Variants in NLGN3 observed in about 807,000 individuals in gnomAD.
NLGN3 encodes neuroligin-3.
NLGN3 carries 11 observed loss-of-function variants against 42.9 expected under a neutral mutation model. The ratio of observed to expected loss-of-function variants is 0.26; its 90% CI spans 0.16 to 0.42. The LOEUF (loss-of-function observed/expected upper bound fraction) is 0.42, where lower values mean the gene tolerates loss of function less well. NLGN3 is among the 10% of genes least tolerant of loss of function. NLGN3 has a pLI of 1.00. For missense variants in NLGN3, 374 were observed against 733.8 expected, an observed-to-expected ratio of 0.51 and a Z score of 5.67; for synonymous variants, 279 against 312.7, an observed-to-expected ratio of 0.89 and a Z score of 1.14.
At chrX:71,165,105 G>T (rs2092442570) in intron 6 of NLGN3, among the ~76,000 whole-genome samples, 1 of 112,141 alleles carries the variant, frequency 8.9e-6, no homozygotes, top group South Asian at 3.7e-4. Context: ...AAATCTGTGA[G>T]CGAGGATGCT....
chrX:71,172,071 G>T (rs2092472124), downstream of NLGN3, among the ~76,000 whole-genome samples: 1 of 111,478 alleles, frequency 9.0e-6, no homozygotes, highest in Non-Finnish European at 1.9e-5. Flanking sequence ...CCAAAACCTA[G>T]AACTAATACA....
rs201424510 is a variant in NLGN3 at position 71,155,330 on chromosome X, G to A, written c.694G>A (p.Val232Ile). 2.1e-5 allele frequency: 25 copies of A among 1,211,100 alleles called. No homozygotes were observed. Among genetic ancestry groups the A allele is most frequent in the Admixed American group, 1.3e-4 (6 of 45,978 alleles). The change falls in exon 5 of 8, where the codon GTC (valine) becomes ATC (isoleucine). Residue 232 changes from valine (V) to isoleucine (I), a missense_variant. This residue lies in a region of NLGN3 where 28 missense variants were observed against 48.2 expected (regional missense o/e 0.58). Coordinates refer to ENST00000358741, the MANE Select transcript of NLGN3 (RefSeq NM_181303.2). ...CCTCGCCAGTTATGGCAATGTCATC[G>A]TCATCACCCTCAACTATCGGGTTGG... ...SILASYGNVIVITLNYRVGVL... is the reference protein window; with the variant it reads ...SILASYGNVIIITLNYRVGVL...
At chrX:71,155,150 G>A in intron 4 of NLGN3, 64 bp from the exon 5 acceptor site, 1 of 1,172,928 alleles carries the variant, frequency 8.5e-7, no homozygotes, top group Admixed American at 2.2e-5. Flanking sequence ...CACCCCCTGG[G>A]CTGGCAGGGG....
chrX:71,154,922 G>A (rs1226290945), intron 4 of NLGN3, among the ~76,000 whole-genome samples: 6 of 112,277 alleles, frequency 5.3e-5, no homozygotes, highest in African/African-American at 9.7e-5. Context: ...GCTGCCCCCC[G>A]CCCCCAGGGC....
In NLGN3 at chrX:71,168,857, GAAAGAAAGAAAGAGAA is replaced by G. The variant is rs1569485695; in HGVS notation, c.1704-395_1704-380del. The stretch of plus-strand genomic sequence containing the variant: ...AGAAAGAAAGAAAGAAAGAAAGAAA[GAAAGAAAGAAAGAGAA>G]AGAAAAGAAAGAGAAAGAAAGAAAG... On this transcript the variant is annotated intron_variant, in intron 7 of 7. Coordinates refer to ENST00000358741, the MANE Select transcript of NLGN3 (RefSeq NM_181303.2). 9.1e-3 allele frequency among the ~76,000 whole-genome samples: 792 copies of G among 86,752 alleles called. 16 individuals carry two copies. Among genetic ancestry groups the G allele is most frequent in the African/African-American group, 0.044 (753 of 16,977 alleles). The allele number at this position is 86,752 out of a possible 115,157, so 75.3% of individuals were successfully genotyped here. A position where few individuals can be genotyped will look rare whatever the true frequency, so the allele number is the denominator to read the frequency against.
chrX:71,150,218 T>C (rs1285259797), intron 3 of NLGN3, among the ~76,000 whole-genome samples: 1 of 111,654 alleles, frequency 9.0e-6, no homozygotes, highest in African/African-American at 3.3e-5. Context: ...AGCATCATGG[T>C]GCTGCAGAAA....
chrX:71,148,789 T>C, intron 2 of NLGN3, 57 bp from the exon 3 acceptor site: 7 of 1,058,432 alleles, frequency 6.6e-6, no homozygotes, highest in Non-Finnish European at 8.8e-6. Flanking sequence ...GGGTGGGGGG[T>C]GCATGCCCCT....
At position 71,164,063 on chromosome X, in the gene NLGN3, C is replaced by T. The variant is rs1038716251; in HGVS notation, c.728-80C>T. On this transcript the variant is annotated intron_variant, in intron 5 of 7. Coordinates refer to ENST00000358741, the MANE Select transcript of NLGN3 (RefSeq NM_181303.2). ...TGCTCATTCTCTATTCCCACCTCCC[C>T]TGTTGACCCTGCCTGCCGTCATCAC... 7.4e-6 allele frequency: 7 copies of T among 943,456 alleles called. No homozygotes were observed. The Admixed American group carries it at 1.7e-4, about 22-fold the overall frequency. 77.8% of individuals were successfully genotyped at this position (943,456 alleles called of 1,213,427 possible).
chrX:71,148,938 G>C, intron 3 of NLGN3, 33 bp downstream of exon 3: 1 of 939,750 alleles, frequency 1.1e-6, no homozygotes, highest in Non-Finnish European at 1.4e-6. Context: ...GGGAGAGAGA[G>C]AGAGAGGGAG....
At chrX:71,155,888 A>G (rs1440917444) in intron 5 of NLGN3, among the ~76,000 whole-genome samples, 2 of 110,682 alleles carry the variant, frequency 1.8e-5, no homozygotes, top group African/African-American at 6.6e-5. Flanking sequence ...CAGGCCCCTC[A>G]CATGTAAACA....
chrX:71,147,683 G>T lies in NLGN3; in HGVS notation c.-67G>T. On this transcript the variant is annotated 5_prime_UTR_variant, in exon 2 of 8. Coordinates refer to ENST00000358741, the MANE Select transcript of NLGN3 (RefSeq NM_181303.2). ...GTTCAAGTCAGTGTGGCCATGAAGG[G>T]GCTGCCTATTGGGCTGATGCTGTGA... The T allele has an allele frequency of 1.0e-6, 1 of 971,566 alleles. No homozygotes were observed. The highest frequency in any genetic ancestry group is 1.4e-6 in the Non-Finnish European group (1 of 699,310). 80.1% of individuals were successfully genotyped at this position (971,566 alleles called of 1,213,427 possible).
At chrX:71,163,487 T>C (rs1299619129) in intron 5 of NLGN3, among the ~76,000 whole-genome samples, 1 of 111,792 alleles carries the variant, frequency 8.9e-6, no homozygotes, top group Non-Finnish European at 1.9e-5. Context: ...GGGACTGATT[T>C]GAACAGGAAG....
downstream of NLGN3, chrX:71,171,573 C>A (rs906837762): frequency 3.0e-5 from 13 of 433,672 alleles, no homozygotes; most frequent in African/African-American, 3.6e-4. Flanking sequence ...GCTGCAACCA[C>A]CCTGCCCTCA....
intron 5 of NLGN3, among the ~76,000 whole-genome samples, chrX:71,157,165 G>A (rs1294490790): frequency 1.8e-5 from 2 of 110,610 alleles, no homozygotes; most frequent in East Asian, 2.8e-4. Context: ...TAGGGGACAC[G>A]ACCATATTTG....
chrX:71,146,908 C>T (rs1296507177), intron 1 of NLGN3, among the ~76,000 whole-genome samples: 2 of 111,565 alleles, frequency 1.8e-5, no homozygotes, highest in South Asian at 3.8e-4. Flanking sequence ...GAGAGCCAAC[C>T]GAAAGGACCA....
intron 5 of NLGN3, among the ~76,000 whole-genome samples, chrX:71,163,217 TG>T (rs967640555): frequency 9.2e-6 from 1 of 109,191 alleles, no homozygotes; most frequent in Non-Finnish European, 1.9e-5. Flanking sequence ...CAAATTCCAG[TG>T]GGGGGGCGGG....
intron 5 of NLGN3, among the ~76,000 whole-genome samples, chrX:71,163,764 G>A (rs767409131): frequency 1.5e-4 from 17 of 112,067 alleles, no homozygotes; most frequent in Non-Finnish European, 1.1e-4. Context: ...ATCAAGGACC[G>A]TCTGACTCCA....
At chrX:71,158,292 C>T (rs1014451791) in intron 5 of NLGN3, among the ~76,000 whole-genome samples, 8 of 111,172 alleles carry the variant, frequency 7.2e-5, no homozygotes, top group African/African-American at 2.3e-4. Context: ...ACTATGTTGG[C>T]CAGGCTGGTC....
At chrX:71,168,582 T>C (rs1256722206) in intron 7 of NLGN3, among the ~76,000 whole-genome samples, 1 of 107,389 alleles carries the variant, frequency 9.3e-6, no homozygotes, top group African/African-American at 3.4e-5. Flanking sequence ...ATACAAAAAA[T>C]TTGCCAGGCG....
Sources: gnomAD v4.1 joint callset for allele counts (sites outside exome capture counted in the v4.1 genomes callset) on GRCh38, gnomAD v4.1.1 for gene constraint, gnomAD v4.1.1 regional missense constraint, MANE v1.5 for transcripts, NCBI Gene and HGNC (gene_info 2026-07-23, HGNC 2026-07-21) for gene names.